The following ZNF831 variants were observed in gnomAD, a reference collection of about 807,000 sequenced individuals.
ZNF831 encodes the protein chromosome 20 open reading frame 174.
Under a neutral mutation model 95.8 loss-of-function variants are expected in ZNF831, and 59 were observed. The observed-to-expected ratio is 0.62, with a 90% CI of 0.50 to 0.77. ZNF831 has a LOEUF of 0.77. ZNF831 is among the 30% of genes least tolerant of loss of function. ZNF831 has a pLI of 0.00. For missense variants in ZNF831, 2,205 were observed against 2,164.0 expected, an observed-to-expected ratio of 1.02 and a Z score of -0.38; for synonymous variants, 961 against 925.5, an observed-to-expected ratio of 1.04 and a Z score of -0.70.
At chr20:59,134,689 C>T (rs111269340) in intron 1 of ZNF831, among the ~76,000 whole-genome samples, 14,104 of 152,218 alleles carry the variant, frequency 0.093, 744 homozygotes, top group Non-Finnish European at 0.12. Flanking sequence ...AGACTGGCTG[C>T]GTGGTCCTTC....
At chr20:59,249,486 C>A (rs1987779969) in intron 4 of ZNF831, among the ~76,000 whole-genome samples, 1 of 152,126 alleles carries the variant, frequency 6.6e-6, no homozygotes, top group African/African-American at 2.4e-5. Flanking sequence ...TCTTGAGGGC[C>A]AGCGTCACCT....
At chr20:59,235,726 T>A (rs891511282) in intron 4 of ZNF831, among the ~76,000 whole-genome samples, 1 of 152,162 alleles carries the variant, frequency 6.6e-6, no homozygotes, top group Non-Finnish European at 1.5e-5. Context: ...CACTGACACC[T>A]ATTTTATATT....
intron 2 of ZNF831, among the ~76,000 whole-genome samples, chr20:59,149,644 G>A (rs768700257): frequency 7.2e-5 from 11 of 152,234 alleles, no homozygotes; most frequent in Non-Finnish European, 1.3e-4. Flanking sequence ...TGGCCTGTCG[G>A]AGAGAGAGGC....
chr20:59,240,432 C>T (rs1238610561), intron 4 of ZNF831, among the ~76,000 whole-genome samples: 1 of 152,144 alleles, frequency 6.6e-6, no homozygotes, highest in Admixed American at 6.5e-5. Context: ...CTAGGCAGTT[C>T]TAATAATACA....
chr20:59,212,050 C>T (rs259993), intron 4 of ZNF831, among the ~76,000 whole-genome samples: 17,732 of 151,968 alleles, frequency 0.12, 3,150 homozygotes, highest in African/African-American at 0.38. Context: ...CTAGAATCAG[C>T]AAAACATTCA....
In ZNF831 at chr20:59,172,607, C is replaced by G. The variant is rs375822149; in HGVS notation, c.-37+8400C>G. 4.7e-4 allele frequency among the ~76,000 whole-genome samples: 71 copies of G among 152,332 alleles called. 2 individuals carry two copies. In the South Asian group the frequency reaches 0.014, roughly 29 times the overall value. On this transcript the variant is annotated intron_variant, in intron 1 of 5. Coordinates refer to ENST00000371030, the MANE Select transcript of ZNF831 (RefSeq NM_178457.3). ...ATATTTCCCATAGTCTTTAGAGCCC[C>G]TCCTCTGTGTCATGCCAGGGAAGCT... is the stretch of plus-strand genomic sequence containing the variant.
At position 59,208,082 on chromosome 20, in the gene ZNF831, G is replaced by T. The variant is rs776493989; in HGVS notation, c.4027+1026G>T. ...AATCCAGGCAAGAATTCATCTTACAGTTGGGGCCAGTTGTTGAAGAAGAAA... is the reference window on the plus strand; with the variant it reads ...AATCCAGGCAAGAATTCATCTTACATTTGGGGCCAGTTGTTGAAGAAGAAA... On this transcript the variant is annotated intron_variant, in intron 4 of 5. Transcript: ENST00000371030. This position sits in a 1 kb window ranked among gnomAD's most constrained non-coding sequence, Gnocchi z 4.2. Among the ~76,000 whole-genome samples, 10 of 152,128 alleles carry T rather than the reference G, an allele frequency of 6.6e-5. No homozygotes were observed. The highest frequency in any genetic ancestry group is 1.3e-4 in the Admixed American group (2 of 15,288).
At chr20:59,206,707 A>C (rs1243080108) in intron 3 of ZNF831, among the ~76,000 whole-genome samples, 198 bp from the exon 4 acceptor site, 1 of 152,180 alleles carries the variant, frequency 6.6e-6, no homozygotes, top group South Asian at 2.1e-4. Context: ...TAGTTCCTAC[A>C]ACAACCTCTG....
In ZNF831 at chr20:59,251,669, G is replaced by A. The variant is rs551175648; in HGVS notation, c.4028-1309G>A. ...CACAGCCATGCTGCAGAGAAACATGGTCCACTTGGAGCAAATCAGAAAGTT... is the reference window on the plus strand; with the variant it reads ...CACAGCCATGCTGCAGAGAAACATGATCCACTTGGAGCAAATCAGAAAGTT... On this transcript the variant is annotated intron_variant, in intron 4 of 5. Coordinates refer to ENST00000371030, the MANE Select transcript of ZNF831 (RefSeq NM_178457.3). Among the ~76,000 whole-genome samples the A allele has an allele frequency of 5.3e-5, 8 of 152,314 alleles. No homozygotes were observed. The East Asian group carries it at 1.5e-3, about 29-fold the overall frequency.
chr20:59,150,298 A>G (rs1449539525), intron 2 of ZNF831, among the ~76,000 whole-genome samples: 2 of 152,122 alleles, frequency 1.3e-5, no homozygotes, highest in Non-Finnish European at 2.9e-5. Flanking sequence ...TGTTCCTTTG[A>G]GTTTAGGTAA....
At chr20:59,214,595 G>A (rs1403949164) in intron 4 of ZNF831, among the ~76,000 whole-genome samples, 1 of 152,194 alleles carries the variant, frequency 6.6e-6, no homozygotes, top group Non-Finnish European at 1.5e-5. Context: ...TTCCCAGTTA[G>A]AGTCTCACTT....
chr20:59,192,717 G>A lies in ZNF831; in HGVS notation c.1698G>A (p.Ala566=), dbSNP rs1983699891. ...CCCGGGCCCTGGTCAGACAGGCCGC[G>A]GTGGAGGACCTGCCAGGCACCCCCA... ...GHPRALVRQA[A]VEDLPGTPIG... The change falls in exon 2 of 6, where the codon GCG becomes GCA. Residue 566 remains alanine (A), a synonymous_variant. Coordinates refer to ENST00000371030, the MANE Select transcript of ZNF831 (RefSeq NM_178457.3). This position sits in a 1 kb window ranked among gnomAD's most constrained non-coding sequence, Gnocchi z 5.2. 3.1e-6 allele frequency: 5 copies of A among 1,604,820 alleles called. No individual in the cohort carries two copies. Among genetic ancestry groups the A allele is most frequent in the Non-Finnish European group, 4.2e-6 (5 of 1,176,582 alleles).
At chr20:59,154,010 G>T (rs1311559387) in intron 2 of ZNF831, among the ~76,000 whole-genome samples, 1 of 152,142 alleles carries the variant, frequency 6.6e-6, no homozygotes, top group Non-Finnish European at 1.5e-5. Context: ...CAGCCTGGTG[G>T]GTTGGTCATG....
chr20:59,163,362 A>G (rs1173318793), upstream of ZNF831, among the ~76,000 whole-genome samples: 1 of 152,180 alleles, frequency 6.6e-6, no homozygotes, highest in Admixed American at 6.5e-5. Context: ...CATATCTTAA[A>G]AATAAAACCT....
Position 59,192,342 on chromosome 20 carries a change from C to G in ZNF831, c.1323C>G (p.Asp441Glu), listed in dbSNP as rs746195972. 1 of 1,607,556 alleles carries G rather than the reference C, an allele frequency of 6.2e-7. No individual in the cohort carries two copies. The highest frequency in any genetic ancestry group is 1.1e-5 in the South Asian group (1 of 90,184). ...KTGLSKQGSI[D>E]LPTPYTYKDS... is the part of the protein sequence containing the mutation. Reference sequence around the variant, plus strand: ...GGCTGTCCAAACAGGGCAGCATCGACCTGCCCACGCCCTACACCTACAAGG... The same window carrying G: ...GGCTGTCCAAACAGGGCAGCATCGAGCTGCCCACGCCCTACACCTACAAGG... Residue 441 changes from aspartate (D) to glutamate (E), a missense_variant, in exon 2 of 6, where the codon GAC becomes GAG. By Grantham distance (45) the Asp-to-Glu change is conservative. Coordinates refer to ENST00000371030, the MANE Select transcript of ZNF831 (RefSeq NM_178457.3). This position sits in a 1 kb window ranked among gnomAD's most constrained non-coding sequence, Gnocchi z 5.2.
intron 4 of ZNF831, among the ~76,000 whole-genome samples, chr20:59,234,302 G>T (rs1986887346): frequency 6.6e-6 from 1 of 152,184 alleles, no homozygotes; most frequent in South Asian, 2.1e-4. Context: ...AATATCCAGG[G>T]CCATCTTGAT....
upstream of ZNF831, among the ~76,000 whole-genome samples, chr20:59,158,872 G>A (rs867574057): frequency 2.0e-5 from 3 of 152,056 alleles, no homozygotes; most frequent in Admixed American, 1.3e-4. Flanking sequence ...ACATGCGCAC[G>A]GGGCATTTGT....
At chr20:59,228,400 A>C (rs1350051338) in intron 4 of ZNF831, among the ~76,000 whole-genome samples, 1 of 151,610 alleles carries the variant, frequency 6.6e-6, no homozygotes, top group Non-Finnish European at 1.5e-5. Flanking sequence ...GGCTGCTGAC[A>C]GCCAACTAAC....
In ZNF831 at chr20:59,253,879, C is replaced by A; in HGVS notation, c.4189-19C>A. 8.2e-6 allele frequency: 4 copies of A among 489,112 alleles called. No homozygotes were observed. The highest frequency in any genetic ancestry group is 9.4e-5 in the East Asian group (1 of 10,604). The allele number at this position is 489,112 out of a possible 1,614,324, so 30.3% of individuals were successfully genotyped here. On this transcript the variant is annotated intron_variant, in intron 5 of 5. Coordinates refer to ENST00000371030, the MANE Select transcript of ZNF831 (RefSeq NM_178457.3). ...TAACCTCCCCCCCCACTTTTTTTTT[C>A]CTTTGCACTTTGTTGCAGGATATTT...
Sources: gnomAD v4.1 joint callset for allele counts (sites outside exome capture counted in the v4.1 genomes callset) on GRCh38, gnomAD v4.1.1 for gene constraint, Gnocchi (gnomAD v3.1) non-coding constraint, MANE v1.5 for transcripts, NCBI Gene and HGNC (gene_info 2026-07-23, HGNC 2026-07-21) for gene names.